Variants in PDSS2 observed in about 807,000 individuals in gnomAD.
PDSS2 encodes the protein decaprenyl diphosphate synthase subunit 2.
In PDSS2, 31 loss-of-function variants were observed where a neutral mutation model predicts 44.5. The ratio of observed to expected loss-of-function variants is 0.70; its 90% CI spans 0.52 to 0.94. The LOEUF (loss-of-function observed/expected upper bound fraction) is 0.94, where lower values mean the gene tolerates loss of function less well. PDSS2 is among the 40% of genes least tolerant of loss of function. The pLI is 0.00. For missense variants in PDSS2, 452 were observed against 482.2 expected (o/e 0.94, Z 0.59); for synonymous variants, 157 against 180.3 (o/e 0.87, Z 1.03).
At chr6:107,353,069 A>G (rs1275187675) in intron 1 of PDSS2, among the ~76,000 whole-genome samples, 2 of 152,222 alleles carry the variant, frequency 1.3e-5, no homozygotes, top group Non-Finnish European at 2.9e-5. Context: ...TTATCCATAT[A>G]GTCAATGCTT....
In PDSS2 at chr6:107,210,225, A is replaced by G. The variant is rs138841541; in HGVS notation, c.1008+214T>C. 8.9e-4 allele frequency among the ~76,000 whole-genome samples: 135 copies of G among 152,338 alleles called. 2 individuals are homozygous for G. Among genetic ancestry groups the G allele is most frequent in the African/African-American group, 3.2e-3 (134 of 41,576 alleles). On this transcript the variant is annotated intron_variant, in intron 6 of 7. Transcript: ENST00000369037. The stretch of plus-strand genomic sequence containing the variant: ...CACTAGTTTTGTGTTGCAGTATTCT[A>G]AGAACTCAGATAATAGAAAAATTCA...
chr6:107,176,982 C>CA (rs981861853), intron 7 of PDSS2, among the ~76,000 whole-genome samples: 16 of 142,914 alleles, frequency 1.1e-4, no homozygotes, highest in Middle Eastern at 3.6e-3. Flanking sequence ...GACCCTGTCT[C>CA]AAAAAAAAAC....
At chr6:107,356,401 C>T (rs1778598428) in intron 1 of PDSS2, among the ~76,000 whole-genome samples, 1 of 152,138 alleles carries the variant, frequency 6.6e-6, no homozygotes, top group Non-Finnish European at 1.5e-5. Flanking sequence ...GACCTTAAAA[C>T]CTATCACCAA....
chr6:107,336,237 C>A (rs1366618947), intron 1 of PDSS2, among the ~76,000 whole-genome samples: 4 of 136,502 alleles, frequency 2.9e-5, no homozygotes, highest in Non-Finnish European at 6.1e-5. Context: ...GCTTGGGTGA[C>A]AGAGCGAGAT....
intron 1 of PDSS2, among the ~76,000 whole-genome samples, chr6:107,354,109 ATTTT>A (rs113865458): frequency 6.6e-6 from 1 of 150,810 alleles, no homozygotes; most frequent in Non-Finnish European, 1.5e-5. Flanking sequence ...GATGTAATGA[ATTTT>A]TTTTTTCTTT....
chr6:107,246,450 A>G (rs748418973), intron 3 of PDSS2, among the ~76,000 whole-genome samples: 4 of 152,200 alleles, frequency 2.6e-5, no homozygotes, highest in Non-Finnish European at 4.4e-5. Flanking sequence ...ACAAGTCTTA[A>G]TATCTTGTAT....
intron 4 of PDSS2, among the ~76,000 whole-genome samples, chr6:107,243,583 G>A (rs1774512627): frequency 6.6e-6 from 1 of 152,124 alleles, no homozygotes. Flanking sequence ...ATATCCCAAG[G>A]GAAAACAGTG....
intron 7 of PDSS2, among the ~76,000 whole-genome samples, chr6:107,174,477 C>T (rs1270790666): frequency 2.6e-5 from 4 of 152,104 alleles, no homozygotes; most frequent in Non-Finnish European, 5.9e-5. Context: ...AACTCTTCGC[C>T]AGTGTGAAAG....
intron 1 of PDSS2, among the ~76,000 whole-genome samples, chr6:107,379,886 A>T (rs1231426698): frequency 2.0e-5 from 3 of 152,050 alleles, no homozygotes; most frequent in African/African-American, 7.2e-5. Flanking sequence ...AATGATTAAT[A>T]TATTTGGTCT....
At chr6:107,458,309 C>T (rs1163616621) in intron 1 of PDSS2, among the ~76,000 whole-genome samples, 2 of 146,732 alleles carry the variant, frequency 1.4e-5, no homozygotes, top group Non-Finnish European at 3.0e-5. Flanking sequence ...CACGGTGAAA[C>T]CCCGTATCTA....
chr6:107,162,217 G>T (rs1771158256), intron 7 of PDSS2, among the ~76,000 whole-genome samples: 1 of 152,090 alleles, frequency 6.6e-6, no homozygotes, highest in Admixed American at 6.5e-5. Flanking sequence ...AGAATTCCCG[G>T]CCGGGCGCAG....
At chr6:107,203,181 C>T (rs1041733947) in intron 6 of PDSS2, among the ~76,000 whole-genome samples, 32 of 152,130 alleles carry the variant, frequency 2.1e-4, no homozygotes, top group African/African-American at 7.7e-4. Flanking sequence ...TCAAACTCAC[C>T]ATGTCAAGAA....
chr6:107,228,822 T>C (rs2114722880), intron 4 of PDSS2, among the ~76,000 whole-genome samples: 1 of 152,360 alleles, frequency 6.6e-6, no homozygotes, highest in South Asian at 2.1e-4. Flanking sequence ...GATTTATGAC[T>C]GTGGTTACTT....
chr6:107,221,342 G>GAAA (rs59605783), intron 4 of PDSS2, among the ~76,000 whole-genome samples: 4 of 70,256 alleles, frequency 5.7e-5, no homozygotes, highest in Admixed American at 2.1e-4. Flanking sequence ...ACTCCGTCTC[G>GAAA]AAAAAAAAAA....
At chr6:107,210,237 A>G (rs920952015) in intron 6 of PDSS2, among the ~76,000 whole-genome samples, 6 of 152,248 alleles carry the variant, frequency 3.9e-5, no homozygotes, top group African/African-American at 1.4e-4. Context: ...GAACTCAGAT[A>G]ATAGAAAAAT....
intron 4 of PDSS2, among the ~76,000 whole-genome samples, chr6:107,230,492 G>T (rs1441262141): frequency 6.6e-6 from 1 of 152,004 alleles, no homozygotes; most frequent in Non-Finnish European, 1.5e-5. Context: ...ATTGATAAAG[G>T]TACCCCCAAA....
chr6:107,203,790 G>A (rs1772873433), intron 6 of PDSS2, among the ~76,000 whole-genome samples: 1 of 152,038 alleles, frequency 6.6e-6, no homozygotes, highest in Non-Finnish European at 1.5e-5. Context: ...AAGGAGACCT[G>A]TACCCATTAA....
chr6:107,234,450 C>A (rs768521320), intron 4 of PDSS2, among the ~76,000 whole-genome samples: 7 of 152,116 alleles, frequency 4.6e-5, no homozygotes, highest in Middle Eastern at 3.2e-3. Flanking sequence ...GGTGATCCAC[C>A]CACCTCTGCC....
chr6:107,439,289 T>C (rs2114796119), intron 1 of PDSS2, among the ~76,000 whole-genome samples: 1 of 152,332 alleles, frequency 6.6e-6, no homozygotes, highest in South Asian at 2.1e-4. Context: ...GCTCCTGGCT[T>C]GCTACTAGGA....
Sources: gnomAD v4.1 joint callset for allele counts (sites outside exome capture counted in the v4.1 genomes callset) on GRCh38, gnomAD v4.1.1 for gene constraint, MANE v1.5 for transcripts, NCBI Gene and HGNC (gene_info 2026-07-23, HGNC 2026-07-21) for gene names.